NRG3: variants seen among roughly 807,000 people sequenced by gnomAD.
The protein encoded by NRG3 is pro-neuregulin-3, membrane-bound isoform.
Under a neutral mutation model 66.9 loss-of-function variants are expected in NRG3, and 31 were observed. The ratio of observed to expected loss-of-function variants is 0.46; its 90% CI spans 0.35 to 0.63. The LOEUF is 0.63. Among genes scored for constraint, NRG3 ranks in the 20% least tolerant of loss-of-function variants. NRG3 has a pLI of 0.00. For missense variants in NRG3, 910 were observed against 878.9 expected, an observed-to-expected ratio of 1.04 and a Z score of -0.45; for synonymous variants, 393 against 359.4, an observed-to-expected ratio of 1.09 and a Z score of -1.06.
At chr10:82,522,757 T>C (rs114500269) in intron 2 of NRG3, among the ~76,000 whole-genome samples, 1,752 of 152,330 alleles carry the variant, frequency 0.012, 34 homozygotes, top group African/African-American at 0.038. Flanking sequence ...TGGTTTCCTT[T>C]ATTTCTAATA....
At chr10:82,154,973 T>C (rs1036526120) in intron 1 of NRG3, among the ~76,000 whole-genome samples, 12 of 151,852 alleles carry the variant, frequency 7.9e-5, no homozygotes, top group Admixed American at 5.3e-4. Flanking sequence ...GTTTCTTCTA[T>C]ATAAGATCAT....
intron 2 of NRG3, among the ~76,000 whole-genome samples, chr10:82,596,201 C>G (rs1319616382): frequency 6.6e-6 from 1 of 152,106 alleles, no homozygotes; most frequent in African/African-American, 2.4e-5. Context: ...GACAAAGACC[C>G]GGTAGCCGCT....
chr10:82,760,891 C>A (rs1311419990), intron 3 of NRG3, among the ~76,000 whole-genome samples: 2 of 151,348 alleles, frequency 1.3e-5, no homozygotes, highest in Non-Finnish European at 2.9e-5. Flanking sequence ...CAAATGTAAA[C>A]TAAGTATATA....
At chr10:82,902,788 A>T (rs1391466879) in intron 4 of NRG3, among the ~76,000 whole-genome samples, 1 of 152,150 alleles carries the variant, frequency 6.6e-6, no homozygotes, top group Non-Finnish European at 1.5e-5. Context: ...GTCCATTTAC[A>T]TGCAGTTTTT....
chr10:82,877,974 T>C (rs190898636), intron 4 of NRG3, among the ~76,000 whole-genome samples: 96 of 152,288 alleles, frequency 6.3e-4, no homozygotes, highest in African/African-American at 2.2e-3. Context: ...TTGAACTATT[T>C]GTCCAAAGGA....
intron 2 of NRG3, among the ~76,000 whole-genome samples, chr10:82,706,268 T>C (rs1027058510): frequency 6.6e-6 from 1 of 152,104 alleles, no homozygotes; most frequent in East Asian, 1.9e-4. Flanking sequence ...AAATGACATA[T>C]TATAATCTCC....
chr10:82,727,813 A>T (rs1020008074), intron 2 of NRG3, among the ~76,000 whole-genome samples: 15 of 152,138 alleles, frequency 9.9e-5, no homozygotes, highest in African/African-American at 3.6e-4. Context: ...CAGCCCAAGA[A>T]AACAGCTGGG....
Position 82,859,884 on chromosome 10 carries a change from G to T in NRG3, c.1028-5527G>T, listed in dbSNP as rs2064023516. On this transcript the variant is annotated intron_variant, in intron 3 of 8. Transcript: ENST00000372141. ...AGAATTTTTGTTAATTAAAAAATGT[G>T]GGCTTCAAATTTCCAAGTGTTTTCC... 2.0e-5 allele frequency among the ~76,000 whole-genome samples: 3 copies of T among 151,960 alleles called. 1 individual carries two copies. The South Asian group carries it at 6.2e-4, about 32-fold the overall frequency.
intron 2 of NRG3, among the ~76,000 whole-genome samples, chr10:82,500,724 T>A (rs1373274673): frequency 6.6e-6 from 1 of 152,210 alleles, no homozygotes; most frequent in Non-Finnish European, 1.5e-5. Context: ...ATAGTTGGCC[T>A]ATACTGAACT....
chr10:81,989,322 G>A (rs2060646714), intron 1 of NRG3, among the ~76,000 whole-genome samples: 1 of 152,094 alleles, frequency 6.6e-6, no homozygotes. Context: ...GATAGTTAGA[G>A]TTAGTGTGTA....
chr10:82,046,506 A>G (rs1382116030), intron 1 of NRG3, among the ~76,000 whole-genome samples: 1 of 30,874 alleles, frequency 3.2e-5, no homozygotes, highest in African/African-American at 5.2e-5. Context: ...CAATCATGTC[A>G]TCTGCAAACA....
chr10:82,448,345 C>CATGTTTAGAA (rs1283038075), intron 2 of NRG3, among the ~76,000 whole-genome samples: 2 of 152,158 alleles, frequency 1.3e-5, no homozygotes. Context: ...GAAAAGAAAT[C>CATGTTTAGAA]ATGTTTGCAC....
At chr10:82,254,654 T>TACACAC (rs147171906) in intron 1 of NRG3, among the ~76,000 whole-genome samples, 9 of 149,000 alleles carry the variant, frequency 6.0e-5, no homozygotes, top group East Asian at 2.0e-4. Flanking sequence ...ACAAAACAAA[T>TACACAC]ACACACACAC....
At position 82,039,817 on chromosome 10, in the gene NRG3, A is replaced by G. The variant is rs189376082; in HGVS notation, c.823+163654A>G. Among the ~76,000 whole-genome samples, 35 of 152,194 alleles carry G rather than the reference A, an allele frequency of 2.3e-4. No individual in the cohort carries two copies. In the East Asian group the frequency reaches 6.2e-3, roughly 27 times the overall value. On this transcript the variant is annotated intron_variant, in intron 1 of 8. Transcript: ENST00000372141. The stretch of plus-strand genomic sequence containing the variant: ...TCTAAGTATTCTCTCTTCTTTTCAC[A>G]TGGTCTCTCCTGACGCATCACTGCC...
chr10:82,130,197 A>G (rs1053324356), intron 1 of NRG3, among the ~76,000 whole-genome samples: 6 of 151,522 alleles, frequency 4.0e-5, no homozygotes, highest in Admixed American at 1.3e-4. Context: ...TTTTTAGACT[A>G]TATGTATGTA....
chr10:81,909,625 A>T lies in NRG3; in HGVS notation c.823+33462A>T, dbSNP rs895884505. 1.9e-3 allele frequency among the ~76,000 whole-genome samples: 294 copies of T among 152,324 alleles called. 3 individuals carry two copies. The highest frequency in any genetic ancestry group is 6.3e-4 in the Non-Finnish European group (43 of 68,024). On this transcript the variant is annotated intron_variant, in intron 1 of 8. Coordinates refer to ENST00000372141, the MANE Select transcript of NRG3 (RefSeq NM_001010848.4). ...TGCATCACTACAGAGTAACAACAAC[A>T]TAAAAGGCCTATTGATGATGTCTTA...
intron 1 of NRG3, among the ~76,000 whole-genome samples, chr10:82,042,178 T>C (rs2063073839): frequency 6.6e-6 from 1 of 151,984 alleles, no homozygotes; most frequent in South Asian, 2.1e-4. Context: ...ACCAAAATTA[T>C]AGAGAACAGA....
chr10:82,942,959 T>C (rs1171276778), intron 4 of NRG3, among the ~76,000 whole-genome samples: 1 of 151,036 alleles, frequency 6.6e-6, no homozygotes, highest in African/African-American at 2.4e-5. Flanking sequence ...AAGTACAAGT[T>C]AAAAAAAATG....
At chr10:82,643,740 T>G (rs934923197) in intron 2 of NRG3, among the ~76,000 whole-genome samples, 4 of 151,874 alleles carry the variant, frequency 2.6e-5, no homozygotes, top group African/African-American at 9.7e-5. Context: ...GTTGCTTCAT[T>G]CAAGTACACT....
Sources: allele counts gnomAD v4.1 joint callset (sites outside exome capture counted in the v4.1 genomes callset), GRCh38; gene constraint gnomAD v4.1.1; transcripts MANE v1.5; gene names NCBI Gene and HGNC (gene_info 2026-07-23, HGNC 2026-07-21).